The following PWWP2A variants were observed in gnomAD, a reference collection of about 807,000 sequenced individuals.
The protein encoded by PWWP2A is PWWP domain containing 2A, also known as PWWP domain-containing protein 2A.
Under a neutral mutation model 48.5 loss-of-function variants are expected in PWWP2A, and 18 were observed. The observed-to-expected ratio is 0.37, with a 90% CI of 0.26 to 0.55. The LOEUF is 0.55. Among genes scored for constraint, PWWP2A ranks in the 20% least tolerant of loss-of-function variants. The pLI, the probability that PWWP2A is intolerant of heterozygous loss-of-function variation, is 0.81. For missense variants in PWWP2A, 867 were observed against 976.4 expected, an observed-to-expected ratio of 0.89 and a Z score of 1.49; for synonymous variants, 396 against 387.7, an observed-to-expected ratio of 1.02 and a Z score of -0.25.
chr5:160,057,327 A>AT (rs527685744), downstream of PWWP2A, among the ~76,000 whole-genome samples: 2 of 152,134 alleles, frequency 1.3e-5, no homozygotes, highest in South Asian at 4.1e-4. The surrounding 1 kb of genome is among the most constrained non-coding windows in gnomAD (Gnocchi z 4.4). Flanking sequence ...AGTCACAAGA[A>AT]TTTTTTGTTT....
downstream of PWWP2A, among the ~76,000 whole-genome samples, chr5:160,072,199 T>G (rs1273259567): frequency 1.3e-5 from 2 of 152,220 alleles, no homozygotes; most frequent in African/African-American, 2.4e-5. Context: ...TCCTGTTGTG[T>G]GCAGAGCTAT....
the PWWP2A span, chr5:160,049,790 A>G: frequency 1.2e-6 from 1 of 849,878 alleles, no homozygotes; most frequent in Non-Finnish European, 1.7e-6. Flanking sequence ...ATCAAGATAT[A>G]TGGGAGGCCA....
At chr5:160,048,595 C>T in the PWWP2A span, among the ~76,000 whole-genome samples, 1 of 152,200 alleles carries the variant, frequency 6.6e-6, no homozygotes, top group African/African-American at 2.4e-5. Flanking sequence ...TCAACCACCT[C>T]ATAGTGCTGG....
intron 5 of PWWP2A, among the ~76,000 whole-genome samples, chr5:160,062,361 C>G (rs575195655): frequency 6.6e-6 from 1 of 152,182 alleles, no homozygotes. Context: ...CTCTGGAGCA[C>G]GGTGACATGC....
At chr5:160,076,701 C>G (rs150550461) in exon 4 of PWWP2A, 74 of 152,306 alleles carry the variant, frequency 4.9e-4, no homozygotes, top group African/African-American at 1.5e-3. Context: ...TTTTAAAACT[C>G]ACCCAGAACC....
At chr5:160,050,735 C>T in the PWWP2A span, among the ~76,000 whole-genome samples, 1 of 151,670 alleles carries the variant, frequency 6.6e-6, no homozygotes, top group Non-Finnish European at 1.5e-5. Flanking sequence ...AAGCAACCCT[C>T]CCACCTCAGC....
downstream of PWWP2A, among the ~76,000 whole-genome samples, chr5:160,060,811 G>A (rs939328792): frequency 6.6e-6 from 1 of 152,200 alleles, no homozygotes; most frequent in Non-Finnish European, 1.5e-5. Context: ...CCAAAAACTT[G>A]TTGATTCTAC....
chr5:160,108,670 T>C (rs948423929), intron 1 of PWWP2A: 1 of 1,005,758 alleles, frequency 9.9e-7, no homozygotes. Context: ...AACACGTAAA[T>C]TTTCTACAAA....
chr5:160,085,828 T>G (rs561760861), intron 2 of PWWP2A, among the ~76,000 whole-genome samples: 17 of 149,092 alleles, frequency 1.1e-4, no homozygotes, highest in African/African-American at 3.2e-4. Context: ...TTCTTTTTTT[T>G]TTTGTTTTGA....
chr5:160,062,100 T>A (rs1466035494), intron 5 of PWWP2A: 1 of 152,210 alleles, frequency 6.6e-6, no homozygotes, highest in African/African-American at 2.4e-5. Flanking sequence ...TCCCCTGCAT[T>A]TGGAGAAATA....
At chr5:160,089,746 T>G (rs1041958450), downstream of PWWP2A, 3 of 1,213,448 alleles carry the variant, frequency 2.5e-6, no homozygotes, top group Non-Finnish European at 3.1e-6. Context: ...TAGCCACGAC[T>G]CTTACTTAAG....
Position 160,092,636 on chromosome 5 carries a change from G to A in PWWP2A, c.2014C>T (p.Arg672Cys), listed in dbSNP as rs1252640392. 2.6e-6 allele frequency: 4 copies of A among 1,551,496 alleles called. No individual in the cohort carries two copies. The highest frequency in any genetic ancestry group is 2.0e-5 in the Admixed American group (1 of 50,956). The change falls in exon 2 of 2, where the codon CGT (arginine) becomes TGT (cysteine). Residue 672 changes from arginine to cysteine, a missense_variant. Coordinates refer to ENST00000307063, the MANE Select transcript of PWWP2A (RefSeq NM_001130864.2). The stretch of plus-strand genomic sequence containing the variant: ...CGGCTCACAGTTATAGTAAGAATAC[G>A]GGCTGGCCACCAAGGGAAGCCATAT... ...KIYGFPWWPA[R>C]ILTITVSRKD...
chr5:160,049,410 TC>T, the PWWP2A span: 1 of 1,136,944 alleles, frequency 8.8e-7, no homozygotes, highest in African/African-American at 1.6e-5. Context: ...AAATGACTCT[TC>T]CTTTCGTATC....
chr5:160,073,563 CT>C (rs1232844994), downstream of PWWP2A, among the ~76,000 whole-genome samples: 6 of 152,088 alleles, frequency 3.9e-5, no homozygotes, highest in Non-Finnish European at 7.4e-5. Flanking sequence ...ACTTTCCCTC[CT>C]TTAGACAGCT....
At chr5:160,065,092 G>A in intron 4 of PWWP2A, 1 of 1,602,074 alleles carries the variant, frequency 6.2e-7, no homozygotes, top group South Asian at 1.1e-5. Flanking sequence ...TTTACAAGCT[G>A]ACTTGGAATT....
At chr5:160,098,448 A>AT (rs1304498807) in intron 1 of PWWP2A, among the ~76,000 whole-genome samples, 2 of 152,352 alleles carry the variant, frequency 1.3e-5, no homozygotes, top group South Asian at 2.1e-4. Flanking sequence ...TCTTTGCTTC[A>AT]TTTCAGTAAC....
intron 1 of PWWP2A, among the ~76,000 whole-genome samples, chr5:160,095,924 G>T (rs1048910425): frequency 1.3e-5 from 2 of 152,070 alleles, no homozygotes; most frequent in African/African-American, 4.8e-5. Flanking sequence ...CTGAGCTCAA[G>T]CAGTCTGCCC....
In PWWP2A at chr5:160,103,788, C is replaced by T. The variant is rs1756553196; in HGVS notation, c.585-9723G>A. Among the ~76,000 whole-genome samples the T allele has an allele frequency of 2.0e-5, 3 of 152,078 alleles. No homozygotes were observed. The South Asian group carries it at 6.2e-4, about 32-fold the overall frequency. ...AGTGTGCCTGAGTGGAGAGGGCTGCCAGTTTAAGAGTATGATAGACGGAGA... is the reference window on the plus strand; with the variant it reads ...AGTGTGCCTGAGTGGAGAGGGCTGCTAGTTTAAGAGTATGATAGACGGAGA... On this transcript the variant is annotated intron_variant, in intron 1 of 1. Coordinates refer to ENST00000307063, the MANE Select transcript of PWWP2A (RefSeq NM_001130864.2).
At chr5:160,064,895 T>C in intron 4 of PWWP2A, 3 of 1,597,632 alleles carry the variant, frequency 1.9e-6, no homozygotes, top group Non-Finnish European at 2.6e-6. Flanking sequence ...TTCTGTTCAT[T>C]CCTGTATTCA....
Sources: allele counts gnomAD v4.1 joint callset (sites outside exome capture counted in the v4.1 genomes callset), GRCh38; gene constraint gnomAD v4.1.1; non-coding constraint Gnocchi (gnomAD v3.1); transcripts MANE v1.5; gene names NCBI Gene and HGNC (gene_info 2026-07-23, HGNC 2026-07-21).